The following TNRC6A variants were observed in gnomAD, a reference collection of about 807,000 sequenced individuals.
TNRC6A encodes trinucleotide repeat containing adaptor 6A.
TNRC6A carries 44 observed loss-of-function variants against 221.2 expected under a neutral mutation model. That is an observed-to-expected ratio of 0.20 (90% confidence interval 0.16 to 0.26). TNRC6A has a LOEUF of 0.26. TNRC6A is among the 10% of genes least tolerant of loss of function. The pLI, the probability that TNRC6A is intolerant of heterozygous loss-of-function variation, is 1.00. For synonymous variants in TNRC6A, 847 were observed against 838.5 expected (o/e 1.01, Z -0.18); for missense variants, 2,199 against 2,404.4 (o/e 0.91, Z 1.79).
At position 24,755,388 on chromosome 16, in the gene TNRC6A, G is replaced by T. The variant is rs578024205; in HGVS notation, c.142-2951G>T. Among the ~76,000 whole-genome samples, 21 of 152,374 alleles carry T rather than the reference G, an allele frequency of 1.4e-4. No homozygotes were observed. The South Asian group carries it at 3.7e-3, about 27-fold the overall frequency. The stretch of plus-strand genomic sequence containing the variant: ...GAGCCAATACTGAGCCAAAGCATGG[G>T]CAGATAGGCTGAAGATAGCAGCCGC... On this transcript the variant is annotated intron_variant, in intron 3 of 24. Coordinates refer to ENST00000395799, the MANE Select transcript of TNRC6A (RefSeq NM_014494.4).
intron 2 of TNRC6A, among the ~76,000 whole-genome samples, chr16:24,671,930 A>G (rs1459388927): frequency 1.3e-5 from 2 of 152,150 alleles, no homozygotes; most frequent in East Asian, 3.8e-4. Flanking sequence ...CAAAAACCAA[A>G]TGCAATTTCT....
chr16:24,758,446 G>GA, intron 4 of TNRC6A, 86 bp downstream of exon 4: 1 of 1,379,636 alleles, frequency 7.2e-7, no homozygotes, highest in Non-Finnish European at 1.0e-6. Context: ...AAGGATGGGA[G>GA]AGAGAAGAGC....
intron 1 of TNRC6A, among the ~76,000 whole-genome samples, chr16:24,633,688 C>T (rs1221230397): frequency 2.6e-5 from 4 of 151,144 alleles, no homozygotes; most frequent in East Asian, 2.0e-4. Flanking sequence ...CCACTGTGCC[C>T]GGCTTTTATT....
Position 24,790,534 on chromosome 16 carries a change from A to G in TNRC6A, c.1892A>G (p.Asn631Ser). The change falls in exon 6 of 25, where the codon AAT becomes AGT. Residue 631 changes from asparagine (N) to serine (S), a missense_variant. Physicochemically the swap from Asn to Ser is conservative, Grantham distance 46 (BLOSUM62 1). Transcript: ENST00000395799. ...PSNQHSNDSANGNGKTFTNGW... is the reference protein window; with the variant it reads ...PSNQHSNDSASGNGKTFTNGW... ...AATCAGCATTCCAATGATAGTGCAA[A>G]TGGCAATGGTAAGACGTTTACAAAT... The G allele has an allele frequency of 6.2e-7, 1 of 1,614,244 alleles. No individual in the cohort carries two copies. Among genetic ancestry groups the G allele is most frequent in the Non-Finnish European group, 8.5e-7 (1 of 1,180,052 alleles).
rs916779993 is a variant in TNRC6A, at chr16:24,710,906, C to T, written n.403-39820C>T. 2.5e-4 allele frequency among the ~76,000 whole-genome samples: 38 copies of T among 149,544 alleles called. No individual in the cohort carries two copies. The East Asian group carries it at 3.0e-3, about 12-fold the overall frequency. On this transcript the variant is annotated intron_variant and non_coding_transcript_variant, in intron 2 of 2. Transcript: ENST00000566108. The stretch of plus-strand genomic sequence containing the variant: ...TTTTTTTTTTTTTTAGATGGAATCT[C>T]GCTCTGCCGCCCAGGCTGGAGTGCA...
chr16:24,621,995 T>C lies in TNRC6A; in HGVS notation n.276+11511T>C, dbSNP rs1900698647. On this transcript the variant is annotated intron_variant and non_coding_transcript_variant, in intron 1 of 2. Coordinates refer to the TNRC6A transcript ENST00000566108. ...GAACAAGGGATTTATCTTCCTAGTG[T>C]CTCCAATGTATATTGTATTAGAAAA... 2.0e-5 allele frequency among the ~76,000 whole-genome samples: 3 copies of C among 152,214 alleles called. No homozygotes were observed. The South Asian group carries it at 6.2e-4, about 32-fold the overall frequency.
chr16:24,792,613 C>CTTTTTTTTTT (rs34670934), intron 6 of TNRC6A, among the ~76,000 whole-genome samples: 58 of 56,528 alleles, frequency 1.0e-3, no homozygotes, highest in African/African-American at 2.0e-3. Flanking sequence ...ACATTTATGG[C>CTTTTTTTTTT]TTTTTTTTTT....
intron 2 of TNRC6A, among the ~76,000 whole-genome samples, chr16:24,731,155 C>T (rs2151167140): frequency 6.6e-6 from 1 of 152,230 alleles, no homozygotes; most frequent in Middle Eastern, 3.4e-3. Flanking sequence ...TTGGGACACT[C>T]AGGGAAACTT....
Position 24,789,516 on chromosome 16 carries a change from C to G in TNRC6A, c.874C>G (p.Gln292Glu). The G allele has an allele frequency of 6.2e-7, 1 of 1,614,022 alleles. No individual in the cohort carries two copies. Among genetic ancestry groups the G allele is most frequent in the Non-Finnish European group, 8.5e-7 (1 of 1,180,008 alleles). Residue 292 changes from glutamine to glutamate, a missense_variant, in exon 6 of 25, where the codon CAA becomes GAA. Gln to Glu is a conservative substitution (Grantham distance 29). Coordinates refer to ENST00000395799, the MANE Select transcript of TNRC6A (RefSeq NM_014494.4). Reference sequence around the variant, plus strand: ...TCGGAATAGCACTGGACTTGGTTCCCAAAACAAGTTTGTAGTTGGTAGCAG... The same window carrying G: ...TCGGAATAGCACTGGACTTGGTTCCGAAAACAAGTTTGTAGTTGGTAGCAG... ...GLRNSTGLGS[Q>E]NKFVVGSSSN...
At chr16:24,820,572 TC>T (rs1300934216) in intron 22 of TNRC6A, among the ~76,000 whole-genome samples, 1 of 152,192 alleles carries the variant, frequency 6.6e-6, no homozygotes, top group Non-Finnish European at 1.5e-5. Flanking sequence ...TCTCAGAAGT[TC>T]CTCAAGACTA....
At chr16:24,683,837 T>C (rs1448529607) in intron 2 of TNRC6A, among the ~76,000 whole-genome samples, 4 of 152,160 alleles carry the variant, frequency 2.6e-5, no homozygotes, top group Admixed American at 6.6e-5. Context: ...AAAGGTATTA[T>C]AGGCATCGAC....
chr16:24,768,675 T>C lies in TNRC6A; in HGVS notation c.164-8258T>C, dbSNP rs377568806. On this transcript the variant is annotated intron_variant, in intron 4 of 24. Transcript: ENST00000395799. ...GAAGTATTAAAATGCACTGTATATT[T>C]TATAGGTGTTTACTAAGTTATATTT... Among the ~76,000 whole-genome samples, 38 of 152,318 alleles carry C rather than the reference T, an allele frequency of 2.5e-4. No individual in the cohort carries two copies. The East Asian group carries it at 6.8e-3, about 27-fold the overall frequency.
chr16:24,750,840 T>G, intron 3 of TNRC6A, 27 bp downstream of exon 3: 1 of 1,455,470 alleles, frequency 6.9e-7, no homozygotes. Context: ...CTATTTATAT[T>G]AAGCAGTTTA....
At chr16:24,628,286 G>A (rs1436017384) in intron 1 of TNRC6A, among the ~76,000 whole-genome samples, 1 of 151,858 alleles carries the variant, frequency 6.6e-6, no homozygotes, top group Admixed American at 6.6e-5. Flanking sequence ...TGGGTGTGGT[G>A]GTGGGCGCCT....
chr16:24,808,769 G>A (rs1320317492), intron 17 of TNRC6A, among the ~76,000 whole-genome samples: 3 of 152,168 alleles, frequency 2.0e-5, no homozygotes, highest in African/African-American at 7.2e-5. Flanking sequence ...GCTCCCACTG[G>A]AAAGTCTTCA....
chr16:24,729,300 A>C (rs918371913), upstream of TNRC6A, among the ~76,000 whole-genome samples: 2 of 106,564 alleles, frequency 1.9e-5, no homozygotes, highest in Admixed American at 1.1e-4. Context: ...CGTTTTAGGC[A>C]ATTTTTTTTT....
intron 17 of TNRC6A, among the ~76,000 whole-genome samples, 179 bp downstream of exon 17, chr16:24,806,963 G>A (rs536128033): frequency 1.3e-5 from 2 of 151,648 alleles, no homozygotes; most frequent in South Asian, 4.2e-4. Context: ...TTCAGGGAAG[G>A]TCTCTCTCCT....
intron 2 of TNRC6A, among the ~76,000 whole-genome samples, chr16:24,738,876 G>A (rs571085767): frequency 6.6e-6 from 1 of 152,248 alleles, no homozygotes; most frequent in South Asian, 2.1e-4. Context: ...TTGTTTTTGA[G>A]ACGGACTCCC....
In TNRC6A at chr16:24,790,980, G is replaced by A. The variant is rs757635010; in HGVS notation, c.2338G>A (p.Val780Ile). The change falls in exon 6 of 25, where the codon GTA (valine) becomes ATA (isoleucine). Residue 780 changes from valine to isoleucine, a missense_variant. Val to Ile is a conservative substitution (Grantham distance 29, BLOSUM62 3). Transcript: ENST00000395799. Reference protein sequence around the residue: ...TSPNGNDTSSVSGWGDPKPAL... With the variant: ...TSPNGNDTSSISGWGDPKPAL... ...CCCTAATGGTAATGATACCTCATCT[G>A]TATCAGGGTGGGGCGATCCCAAACC... The A allele has an allele frequency of 5.6e-6, 9 of 1,604,678 alleles. No individual in the cohort carries two copies. Among genetic ancestry groups the A allele is most frequent in the Non-Finnish European group, 7.7e-6 (9 of 1,175,326 alleles).
Sources: gnomAD v4.1 joint callset for allele counts (sites outside exome capture counted in the v4.1 genomes callset) on GRCh38, gnomAD v4.1.1 for gene constraint, MANE v1.5 for transcripts, NCBI Gene and HGNC (gene_info 2026-07-23, HGNC 2026-07-21) for gene names.